SLC22A25: variants seen among roughly 807,000 people sequenced by gnomAD.
SLC22A25 encodes the protein solute carrier family 22 member 25.
Under a neutral mutation model 45.9 loss-of-function variants are expected in SLC22A25, and 44 were observed. The ratio of observed to expected loss-of-function variants is 0.96; its 90% CI spans 0.75 to 1.23. SLC22A25 has a LOEUF of 1.23. Ranked by LOEUF, SLC22A25 falls within the 50% of genes most tolerant of loss-of-function variation. SLC22A25 has a pLI of 0.00. For missense variants in SLC22A25, 800 were observed against 666.4 expected (o/e 1.20, Z -2.21); for synonymous variants, 283 against 238.6 (o/e 1.19, Z -1.72).
Position 63,229,308 on chromosome 11 carries a change from G to A in SLC22A25, c.345C>T (p.Pro115=). The A allele has an allele frequency of 6.2e-7, 1 of 1,604,722 alleles. No individual in the cohort carries two copies. Among genetic ancestry groups the A allele is most frequent in the Non-Finnish European group, 8.5e-7 (1 of 1,174,708 alleles). Residue 115 remains proline (P), a synonymous_variant, in exon 4 of 12, where the codon CCC becomes CCT. Coordinates refer to ENST00000306494, the MANE Select transcript of SLC22A25 (RefSeq NM_199352.6). ...GGTCATATACCCAGCCATCCACACA[G>A]GGCTCTGTATCTGGCTCACTCGTGT... is the stretch of plus-strand genomic sequence containing the variant. ...FPNTSEPDTE[P]CVDGWVYDQS... is the part of the protein sequence containing the mutation.
At chr11:63,174,063 CCT>C (rs929256177) in intron 9 of SLC22A25, among the ~76,000 whole-genome samples, 1 of 151,994 alleles carries the variant, frequency 6.6e-6, no homozygotes, top group African/African-American at 2.4e-5. Context: ...CCCACCACCC[CCT>C]GACAGGCCCT....
chr11:63,166,737 A>G (rs1334600191), intron 9 of SLC22A25: 1 of 988,026 alleles, frequency 1.0e-6, no homozygotes, highest in Non-Finnish European at 1.2e-6. Flanking sequence ...CAGATTGTAT[A>G]TTCATGGCAT....
chr11:63,204,247 C>T (rs189790612), intron 7 of SLC22A25, among the ~76,000 whole-genome samples: 1 of 152,318 alleles, frequency 6.6e-6, no homozygotes, highest in East Asian at 1.9e-4. Context: ...GAAACGGCAT[C>T]AACTAATGGG....
At chr11:63,228,357 G>T in intron 5 of SLC22A25, 104 bp downstream of exon 5, 2 of 843,734 alleles carry the variant, frequency 2.4e-6, no homozygotes, top group East Asian at 5.2e-5. Context: ...GGGGACCAAG[G>T]GAGCAACAGG....
chr11:63,228,061 GT>G (rs575751349), intron 5 of SLC22A25, among the ~76,000 whole-genome samples: 3 of 152,224 alleles, frequency 2.0e-5, no homozygotes, highest in Non-Finnish European at 2.9e-5. Flanking sequence ...CTTCAATGAA[GT>G]TAAAATCAGG....
chr11:63,231,117 G>T (rs769291422), intron 3 of SLC22A25, among the ~76,000 whole-genome samples: 1 of 152,170 alleles, frequency 6.6e-6, no homozygotes, highest in Non-Finnish European at 1.5e-5. Flanking sequence ...ACATACATGT[G>T]CATGTGTCTT....
rs372812287 is a variant in SLC22A25, at chr11:63,164,459, T to G, written c.1394+67A>C. 6 of 1,359,420 alleles carry G rather than the reference T, an allele frequency of 4.4e-6. No homozygotes were observed. The East Asian group carries it at 1.4e-4, about 32-fold the overall frequency. 84.2% of individuals were successfully genotyped at this position (1,359,420 alleles called of 1,614,324 possible). On this transcript the variant is annotated intron_variant, in intron 11 of 11. Transcript: ENST00000306494. ...TAACTTGTCTTGGATTTTTTTCCCT[T>G]GTTAAGTGTCAATTGGTTGAGACAG...
intron 7 of SLC22A25, among the ~76,000 whole-genome samples, chr11:63,204,838 C>G (rs1019262549): frequency 6.6e-6 from 1 of 152,172 alleles, no homozygotes; most frequent in Admixed American, 6.5e-5. Context: ...AACTCTTCAG[C>G]CAAAATAAAC....
At chr11:63,242,326 T>C (rs1200302324) in intron 1 of SLC22A25, among the ~76,000 whole-genome samples, 1 of 152,182 alleles carries the variant, frequency 6.6e-6, no homozygotes, top group East Asian at 1.9e-4. Flanking sequence ...AACAACTGTA[T>C]AGAATAACTC....
At chr11:63,187,509 C>G (rs1209592376) in intron 7 of SLC22A25, among the ~76,000 whole-genome samples, 1 of 152,146 alleles carries the variant, frequency 6.6e-6, no homozygotes, top group Non-Finnish European at 1.5e-5. Context: ...AATTTGACTT[C>G]CTCTTTTCCT....
At chr11:63,178,966 A>T (rs944514574) in intron 9 of SLC22A25, among the ~76,000 whole-genome samples, 1 of 147,904 alleles carries the variant, frequency 6.8e-6, no homozygotes, top group Non-Finnish European at 1.5e-5. Context: ...TAAGTCTGTA[A>T]TTTTTTTTTT....
chr11:63,209,424 G>A (rs983280049), intron 7 of SLC22A25, among the ~76,000 whole-genome samples: 2 of 152,082 alleles, frequency 1.3e-5, no homozygotes, highest in Non-Finnish European at 2.9e-5. Flanking sequence ...CCCGTCTTTG[G>A]CCAGAATAAG....
At chr11:63,239,824 C>CGG (rs2090218987) in intron 1 of SLC22A25, among the ~76,000 whole-genome samples, 1 of 152,122 alleles carries the variant, frequency 6.6e-6, no homozygotes, top group Non-Finnish European at 1.5e-5. Flanking sequence ...AGAAACTTTT[C>CGG]GGGGCTCGTT....
At chr11:63,232,488 C>T (rs1169353018) in intron 3 of SLC22A25, among the ~76,000 whole-genome samples, 3 of 152,098 alleles carry the variant, frequency 2.0e-5, no homozygotes, top group East Asian at 1.9e-4. Flanking sequence ...GATTTTGTAT[C>T]CTGATACTTT....
In SLC22A25 at chr11:63,180,647, G is replaced by A. The variant is rs368638082; in HGVS notation, c.1070+13C>T. The A allele has an allele frequency of 1.3e-6, 2 of 1,574,446 alleles. No individual in the cohort carries two copies. Among genetic ancestry groups the A allele is most frequent in the Middle Eastern group, 1.7e-4 (1 of 5,956 alleles). On this transcript the variant is annotated intron_variant, in intron 9 of 11. Transcript: ENST00000306494. ...TCTATTTTAACATTCCTCACACACT[G>A]CATGAAACTTACCTCACAAAGGACA...
intron 7 of SLC22A25, among the ~76,000 whole-genome samples, chr11:63,205,846 A>T (rs1471447505): frequency 1.3e-5 from 2 of 152,162 alleles, no homozygotes; most frequent in African/African-American, 4.8e-5. Flanking sequence ...TTGGAAACAC[A>T]ACAAAAAAAT....
At chr11:63,179,522 G>A (rs747025411) in intron 9 of SLC22A25, among the ~76,000 whole-genome samples, 6 of 152,032 alleles carry the variant, frequency 3.9e-5, no homozygotes, top group Non-Finnish European at 4.4e-5. Context: ...CCTGGTTTCT[G>A]TTTTTCAGGA....
In SLC22A25 at chr11:63,158,988, TAAGC is replaced by T. The variant is rs1462558236; in HGVS notation, c.*4832_*4835del. Among the ~76,000 whole-genome samples, 1 of 152,210 alleles carries T rather than the reference TAAGC, an allele frequency of 6.6e-6. No homozygotes were observed. Among genetic ancestry groups the T allele is most frequent in the African/African-American group, 2.4e-5 (1 of 41,458 alleles). On this transcript the variant is annotated 3_prime_UTR_variant, in exon 12 of 12. Coordinates refer to ENST00000306494, the MANE Select transcript of SLC22A25 (RefSeq NM_199352.6). ...TGTTTTTATTTTTATCTCACACAAATAAGCAAGAACATGTGATGTTTGTCTTTCT... is the reference window on the plus strand; with the variant it reads ...TGTTTTTATTTTTATCTCACACAAATAAGAACATGTGATGTTTGTCTTTCT...
At chr11:63,221,031 G>C (rs2089841219) in intron 5 of SLC22A25, among the ~76,000 whole-genome samples, 1 of 152,032 alleles carries the variant, frequency 6.6e-6, no homozygotes, top group Admixed American at 6.6e-5. Context: ...ATCTGTTGTG[G>C]ACACTTAGGT....
Sources: gnomAD v4.1 joint callset for allele counts (sites outside exome capture counted in the v4.1 genomes callset) on GRCh38, gnomAD v4.1.1 for gene constraint, MANE v1.5 for transcripts, NCBI Gene and HGNC (gene_info 2026-07-23, HGNC 2026-07-21) for gene names.